TRPM3: variants seen among roughly 807,000 people sequenced by gnomAD.
TRPM3 encodes long transient receptor potential channel 3.
In TRPM3, 77 loss-of-function variants were observed where a neutral mutation model predicts 181.2. The ratio of observed to expected loss-of-function variants is 0.42; its 90% confidence interval spans 0.35 to 0.51. The LOEUF (loss-of-function observed/expected upper bound fraction) is 0.51. Among genes scored for constraint, TRPM3 ranks in the 20% least tolerant of loss-of-function variants. The probability of loss-of-function intolerance (pLI) is 0.01; values close to 1 mark genes in which losing one functional copy is unlikely to be tolerated. For synonymous variants in TRPM3, 745 were observed against 796.4 expected, an observed-to-expected ratio of 0.94 and a Z score of 1.09; for missense variants, 1,759 against 2,196.7, an observed-to-expected ratio of 0.80 and a Z score of 3.98.
At chr9:70,619,586 A>C (rs1432916687) in intron 16 of TRPM3, among the ~76,000 whole-genome samples, 1 of 150,286 alleles carries the variant, frequency 6.7e-6, no homozygotes, top group East Asian at 2.0e-4. Flanking sequence ...GCTAATTTTT[A>C]ATTTTTTTTT....
intron 1 of TRPM3, among the ~76,000 whole-genome samples, chr9:70,985,020 T>C (rs535251187): frequency 4.6e-5 from 7 of 152,278 alleles, no homozygotes; most frequent in Non-Finnish European, 7.4e-5. Context: ...ATGTGAACAA[T>C]AACCAGCAGA....
chr9:70,754,375 C>G (rs981324855), intron 8 of TRPM3, among the ~76,000 whole-genome samples: 6 of 152,120 alleles, frequency 3.9e-5, no homozygotes, highest in Non-Finnish European at 5.9e-5. Flanking sequence ...AATTTCTATT[C>G]TTTACCTGAA....
At chr9:70,773,587 T>G (rs2080773638) in intron 7 of TRPM3, among the ~76,000 whole-genome samples, 1 of 152,236 alleles carries the variant, frequency 6.6e-6, no homozygotes, top group South Asian at 2.1e-4. Flanking sequence ...TAAGTGTCTC[T>G]ATTTTTGTTA....
intron 7 of TRPM3, among the ~76,000 whole-genome samples, chr9:70,769,177 A>G (rs1338254956): frequency 1.3e-5 from 2 of 152,166 alleles, no homozygotes; most frequent in African/African-American, 4.8e-5. Flanking sequence ...CTCTACTTGC[A>G]TACAGAATTT....
intron 8 of TRPM3, among the ~76,000 whole-genome samples, chr9:70,740,314 T>A (rs1234482832): frequency 6.6e-6 from 1 of 152,046 alleles, no homozygotes; most frequent in African/African-American, 2.4e-5. Context: ...CTGAAAGAAA[T>A]CATAGATGAC....
intron 1 of TRPM3, among the ~76,000 whole-genome samples, chr9:70,870,262 G>A (rs188587927): frequency 2.0e-5 from 3 of 152,010 alleles, no homozygotes; most frequent in South Asian, 2.1e-4. Flanking sequence ...CTCTTTCCAG[G>A]GTCAATCTTC....
intron 1 of TRPM3, among the ~76,000 whole-genome samples, chr9:71,138,115 A>G (rs1008088519): frequency 6.6e-6 from 1 of 152,136 alleles, no homozygotes; most frequent in Non-Finnish European, 1.5e-5. Context: ...CTCTGTCTCA[A>G]AAAAGAAAAA....
At chr9:70,765,243 A>T (rs1302223477) in intron 7 of TRPM3, among the ~76,000 whole-genome samples, 1 of 152,168 alleles carries the variant, frequency 6.6e-6, no homozygotes, top group Non-Finnish European at 1.5e-5. Flanking sequence ...ATCAGGGATG[A>T]TAAGGGGGAA....
chr9:70,765,247 G>A lies in TRPM3; in HGVS notation c.1149-3523C>T, dbSNP rs1481719983. Among the ~76,000 whole-genome samples, 3 of 152,162 alleles carry A rather than the reference G, an allele frequency of 2.0e-5. No individual in the cohort carries two copies. In the East Asian group the frequency reaches 5.8e-4, roughly 29 times the overall value. ...TCCTAATCCGTATCAGGGATGATAA[G>A]GGGGAACACTAAATGAAGATAATCA... On this transcript the variant is annotated intron_variant, in intron 7 of 25. Transcript: ENST00000677713.
At chr9:70,940,257 A>C (rs1014819542) in intron 1 of TRPM3, among the ~76,000 whole-genome samples, 1 of 152,214 alleles carries the variant, frequency 6.6e-6, no homozygotes, top group African/African-American at 2.4e-5. Flanking sequence ...ACTTAACACA[A>C]AAAAAAGTAA....
At chr9:71,357,032 G>GA (rs1161252605) in intron 1 of TRPM3, among the ~76,000 whole-genome samples, 2 of 152,042 alleles carry the variant, frequency 1.3e-5, no homozygotes, top group African/African-American at 4.8e-5. Flanking sequence ...TGGCAGCCTT[G>GA]AAAAACAAAA....
At chr9:70,910,041 C>A (rs552917579) in intron 1 of TRPM3, among the ~76,000 whole-genome samples, 23 of 152,258 alleles carry the variant, frequency 1.5e-4, no homozygotes, top group African/African-American at 5.5e-4. Context: ...TATAATCCAG[C>A]AATTCCAGTC....
At chr9:70,997,918 C>T (rs1301026002) in intron 1 of TRPM3, among the ~76,000 whole-genome samples, 2 of 151,936 alleles carry the variant, frequency 1.3e-5, no homozygotes, top group South Asian at 2.1e-4. Context: ...TATTCACTTA[C>T]ATAGCATCCA....
At chr9:70,910,925 C>T (rs1284885689) in intron 1 of TRPM3, among the ~76,000 whole-genome samples, 1 of 152,154 alleles carries the variant, frequency 6.6e-6, no homozygotes, top group African/African-American at 2.4e-5. Flanking sequence ...ATATCACCTT[C>T]CTTGAAGTTC....
intron 1 of TRPM3, among the ~76,000 whole-genome samples, chr9:71,282,091 G>GAAAA (rs2084771716): frequency 8.6e-5 from 3 of 34,834 alleles, no homozygotes; most frequent in Non-Finnish European, 1.7e-4. Flanking sequence ...GAAAGAAAGA[G>GAAAA]AGAAAGAAAG....
Position 71,047,587 on chromosome 9 carries a change from C to T in TRPM3, c.177+73591G>A, listed in dbSNP as rs117209000. ...AAGCCTGTGGACAGCCCCTGTAACT[C>T]AGGCTATCCTCTGGATAAGATGAAC... is the stretch of plus-strand genomic sequence containing the variant. On this transcript the variant is annotated intron_variant, in intron 1 of 25. Transcript: ENST00000677713. 4.9e-3 allele frequency among the ~76,000 whole-genome samples: 752 copies of T among 152,258 alleles called. 17 individuals are homozygous for T. In the East Asian group the frequency reaches 0.078, roughly 16 times the overall value.
intron 1 of TRPM3, among the ~76,000 whole-genome samples, chr9:70,866,319 A>G (rs973350214): frequency 4.6e-5 from 7 of 152,006 alleles, no homozygotes; most frequent in Admixed American, 6.6e-5. Flanking sequence ...GTGGGGGAGC[A>G]TCTGGGAATT....
chr9:70,696,202 A>C (rs1288395599), intron 8 of TRPM3, among the ~76,000 whole-genome samples: 1 of 152,154 alleles, frequency 6.6e-6, no homozygotes, highest in African/African-American at 2.4e-5. Flanking sequence ...AATTCCTCCA[A>C]TCTCAGTCCA....
intron 1 of TRPM3, among the ~76,000 whole-genome samples, chr9:71,203,514 G>A (rs1393408946): frequency 6.6e-6 from 1 of 152,124 alleles, no homozygotes; most frequent in Non-Finnish European, 1.5e-5. Flanking sequence ...GGCCCAATAG[G>A]GGATGGATAA....
Sources: gnomAD v4.1 joint callset for allele counts (sites outside exome capture counted in the v4.1 genomes callset) on GRCh38, gnomAD v4.1.1 for gene constraint, MANE v1.5 for transcripts, NCBI Gene and HGNC (gene_info 2026-07-23, HGNC 2026-07-21) for gene names.